The following PTPRD variants were observed in gnomAD, a reference collection of about 807,000 sequenced individuals.
The protein encoded by PTPRD is receptor-type tyrosine-protein phosphatase delta.
Under a neutral mutation model 214.5 loss-of-function variants are expected in PTPRD, and 34 were observed. The observed-to-expected ratio is 0.16, with a 90% confidence interval of 0.12 to 0.21. PTPRD has a LOEUF of 0.21. Among genes scored for constraint, PTPRD ranks in the 10% least tolerant of loss-of-function variants. The pLI, the probability that PTPRD is intolerant of heterozygous loss-of-function variation, is 1.00. For synonymous variants in PTPRD, 1,128 were observed against 845.7 expected (o/e 1.33, Z -5.79); for missense variants, 2,545 against 2,398.7 (o/e 1.06, Z -1.27).
intron 3 of PTPRD, among the ~76,000 whole-genome samples, chr9:10,185,062 A>G (rs1292602989): frequency 6.6e-6 from 1 of 152,188 alleles, no homozygotes; most frequent in African/African-American, 2.4e-5. Context: ...AAACAACATC[A>G]TGAAAGTGTA....
intron 14 of PTPRD, among the ~76,000 whole-genome samples, chr9:8,584,135 C>A (rs898667762): frequency 6.6e-6 from 1 of 152,082 alleles, no homozygotes. Context: ...GCCTGCACAA[C>A]AGAGTGAGAT....
intron 35 of PTPRD, among the ~76,000 whole-genome samples, chr9:8,421,017 C>A (rs909578474): frequency 6.6e-6 from 1 of 152,102 alleles, no homozygotes; most frequent in East Asian, 1.9e-4. Context: ...AAGGTGAATT[C>A]TCCACCTAGA....
intron 9 of PTPRD, among the ~76,000 whole-genome samples, chr9:9,300,886 G>A (rs984682592): frequency 7.9e-5 from 12 of 151,788 alleles, no homozygotes; most frequent in Admixed American, 5.9e-4. Flanking sequence ...AATCTTTTAC[G>A]CATATTGTTA....
intron 14 of PTPRD, among the ~76,000 whole-genome samples, chr9:8,586,928 A>T (rs1033562374): frequency 6.6e-6 from 1 of 152,204 alleles, no homozygotes; most frequent in African/African-American, 2.4e-5. Flanking sequence ...TGGGCGGACC[A>T]TGAGGTCGGA....
At chr9:9,839,350 A>T (rs1347715145) in intron 5 of PTPRD, among the ~76,000 whole-genome samples, 3 of 152,168 alleles carry the variant, frequency 2.0e-5, no homozygotes, top group African/African-American at 7.2e-5. Context: ...CAAATTCAGC[A>T]AAGTCTCAGG....
chr9:10,405,880 A>T (rs2098347110), intron 2 of PTPRD, among the ~76,000 whole-genome samples: 1 of 151,644 alleles, frequency 6.6e-6, no homozygotes, highest in East Asian at 2.0e-4. Context: ...CATAATATAA[A>T]AAAAGGAATA....
chr9:9,200,900 A>G (rs2099941461), intron 9 of PTPRD, among the ~76,000 whole-genome samples: 1 of 152,214 alleles, frequency 6.6e-6, no homozygotes, highest in African/African-American at 2.4e-5. Context: ...TATTGTAGAA[A>G]TCCTTTCCTA....
At chr9:9,617,228 T>C (rs2154349887) in intron 7 of PTPRD, among the ~76,000 whole-genome samples, 1 of 152,278 alleles carries the variant, frequency 6.6e-6, no homozygotes, top group South Asian at 2.1e-4. Context: ...CCAGAATGGA[T>C]AAACTGCTGA....
intron 11 of PTPRD, among the ~76,000 whole-genome samples, chr9:8,891,529 G>T (rs2098540246): frequency 6.6e-6 from 1 of 151,308 alleles, no homozygotes; most frequent in African/African-American, 2.4e-5. Context: ...AGAGCCATTT[G>T]TTATATGCAC....
chr9:8,441,003 C>T (rs184905157), intron 34 of PTPRD, among the ~76,000 whole-genome samples: 4 of 152,074 alleles, frequency 2.6e-5, no homozygotes, highest in Admixed American at 1.3e-4. Context: ...ATTCCGAGAA[C>T]GGCATTTGCG....
chr9:10,278,043 C>A (rs1819208), intron 3 of PTPRD, among the ~76,000 whole-genome samples: 109,548 of 151,820 alleles, frequency 0.72, 39,692 homozygotes, highest in East Asian at 0.87. Flanking sequence ...GCCTGTAGTC[C>A]CAGCTACTCG....
At chr9:8,864,588 T>C (rs2098163416) in intron 11 of PTPRD, among the ~76,000 whole-genome samples, 1 of 152,200 alleles carries the variant, frequency 6.6e-6, no homozygotes, top group Admixed American at 6.5e-5. Context: ...CTAACAGGGT[T>C]TCAGAGGATG....
intron 2 of PTPRD, among the ~76,000 whole-genome samples, chr9:10,442,491 G>C (rs1306775906): frequency 2.6e-5 from 4 of 151,578 alleles, no homozygotes; most frequent in African/African-American, 9.7e-5. Flanking sequence ...CAATCCAACA[G>C]ATTCTGAAGA....
In PTPRD at chr9:10,037,421, C is replaced by T. The variant is rs146886004; in HGVS notation, c.-544-3631G>A. ...CCTCTCTGCACCCTTCCTCCTGTTG[C>T]GGCCATATGAAGATGCCTGCTCCAG... On this transcript the variant is annotated intron_variant, in intron 3 of 45. Transcript: ENST00000381196. 4.8e-4 allele frequency among the ~76,000 whole-genome samples: 73 copies of T among 152,112 alleles called. No homozygotes were observed. The East Asian group carries it at 7.4e-3, about 15-fold the overall frequency.
In PTPRD at chr9:9,992,069, G is replaced by A. The variant is rs916568297; in HGVS notation, c.-472+41649C>T. ...CCCATGAGAGTTAGAAAGTAGATTC[G>A]TGATTGTCTAGACCTGGAGGCTGTG... On this transcript the variant is annotated intron_variant, in intron 4 of 45. Transcript: ENST00000381196. 5.9e-5 allele frequency among the ~76,000 whole-genome samples: 9 copies of A among 152,274 alleles called. 1 individual carries two copies. The highest frequency in any genetic ancestry group is 1.4e-4 in the African/African-American group (6 of 41,554).
chr9:8,879,069 T>G (rs960561524), intron 11 of PTPRD, among the ~76,000 whole-genome samples: 2 of 152,206 alleles, frequency 1.3e-5, no homozygotes, highest in Non-Finnish European at 2.9e-5. Flanking sequence ...ATAGTAGGCC[T>G]AAGTTACACG....
chr9:9,468,410 T>C (rs2094366797), intron 8 of PTPRD, among the ~76,000 whole-genome samples: 1 of 152,128 alleles, frequency 6.6e-6, no homozygotes, highest in Admixed American at 6.5e-5. Context: ...CATTTAGTTA[T>C]ATCTGTAAAC....
Position 8,500,865 on chromosome 9 carries a change from G to T in PTPRD, c.2017C>A (p.Leu673Ile), listed in dbSNP as rs748586269. 2.1e-5 allele frequency: 34 copies of T among 1,614,122 alleles called. No homozygotes were observed. Among genetic ancestry groups the T allele is most frequent in the Non-Finnish European group, 2.8e-5 (33 of 1,180,008 alleles). Residue 673 changes from leucine (L) to isoleucine (I), a missense_variant, in exon 24 of 46, where the codon CTT becomes ATT. By Grantham distance (5) the Leu-to-Ile change is conservative (BLOSUM62 2). Transcript: ENST00000381196. ...GTCCATTTTTCCAGCTGTTCCAAAAGGTATTTGGTAGTGTCCGAAGGAATT... is the reference window on the plus strand; with the variant it reads ...GTCCATTTTTCCAGCTGTTCCAAAATGTATTTGGTAGTGTCCGAAGGAATT... ...LGIPSDTTKY[L>I]LEQLEKWTEY... is the part of the protein sequence containing the mutation.
In PTPRD at chr9:8,528,645, A is replaced by G; in HGVS notation, c.487T>C (p.Phe163Leu). 6.2e-7 allele frequency: 1 copy of G among 1,613,730 alleles called. No individual in the cohort carries two copies. The highest frequency in any genetic ancestry group is 8.5e-7 in the Non-Finnish European group (1 of 1,179,754). ...PDPEITWFKD[F>L]LPVDTSNNNG... ...TTGTTGCTTGTGTCCACAGGTAAGA[A>G]ATCTTTAAACCAAGTGATTTCTGGA... Residue 163 changes from phenylalanine (F) to leucine (L), a missense_variant, in exon 15 of 46, where the codon TTC becomes CTC. Physicochemically the swap from Phe to Leu is conservative, Grantham distance 22. Transcript: ENST00000381196.
Sources: allele counts gnomAD v4.1 joint callset (sites outside exome capture counted in the v4.1 genomes callset), GRCh38; gene constraint gnomAD v4.1.1; transcripts MANE v1.5; gene names NCBI Gene and HGNC (gene_info 2026-07-23, HGNC 2026-07-21).